NXPE4: variants seen among roughly 807,000 people sequenced by gnomAD.
NXPE4 encodes the protein NXPE family member 4.
In NXPE4, 42 loss-of-function variants were observed where a neutral mutation model predicts 33.3. The ratio of observed to expected loss-of-function variants is 1.26; its 90% CI spans 0.98 to 1.63. The LOEUF (loss-of-function observed/expected upper bound fraction) is 1.63, where lower values mean the gene tolerates loss of function less well. Ranked by LOEUF, NXPE4 falls within the 40% of genes most tolerant of loss-of-function variation. The pLI, the probability that NXPE4 is intolerant of heterozygous loss-of-function variation, is 0.00. For missense variants in NXPE4, 709 were observed against 647.6 expected, an observed-to-expected ratio of 1.09 and a Z score of -1.03; for synonymous variants, 253 against 234.9, an observed-to-expected ratio of 1.08 and a Z score of -0.71.
At chr11:114,649,566 C>T in the NXPE4 span, among the ~76,000 whole-genome samples, 91 of 152,138 alleles carry the variant, frequency 6.0e-4, no homozygotes, top group Non-Finnish European at 1.1e-3. Context: ...TCAGTGGTTG[C>T]CTGGGCAACT....
intron 5 of NXPE4, 99 bp downstream of exon 5, chr11:114,580,033 T>G (rs917660763): frequency 6.7e-5 from 71 of 1,055,122 alleles, no homozygotes; most frequent in Middle Eastern, 6.3e-4. Flanking sequence ...GATTGAAGAA[T>G]ATGAAAAAAA....
the NXPE4 span, among the ~76,000 whole-genome samples, chr11:114,631,324 C>G: frequency 6.6e-6 from 1 of 151,808 alleles, no homozygotes; most frequent in Non-Finnish European, 1.5e-5. Flanking sequence ...ACATATACAG[C>G]ATGGAATACT....
intron 2 of NXPE4, chr11:114,584,227 C>T (rs1453673080): frequency 2.4e-6 from 1 of 412,644 alleles, no homozygotes; most frequent in East Asian, 7.0e-5. Context: ...TATGGAGATC[C>T]CTAATGAGCC....
the NXPE4 span, among the ~76,000 whole-genome samples, chr11:114,631,126 G>A: frequency 6.6e-6 from 1 of 151,926 alleles, no homozygotes; most frequent in African/African-American, 2.4e-5. Flanking sequence ...CGATTCTCAG[G>A]GATCTAGAAC....
At chr11:114,585,096 A>C (rs1293600942) in intron 2 of NXPE4, among the ~76,000 whole-genome samples, 1 of 151,982 alleles carries the variant, frequency 6.6e-6, no homozygotes, top group African/African-American at 2.4e-5. Context: ...CCTAAGTAAC[A>C]TCAGCCATTT....
the NXPE4 span, among the ~76,000 whole-genome samples, chr11:114,660,076 T>C: frequency 6.6e-6 from 1 of 152,154 alleles, no homozygotes; most frequent in African/African-American, 2.4e-5. Flanking sequence ...AGACACAAAC[T>C]ACCAACATTC....
chr11:114,610,847 T>A, the NXPE4 span, among the ~76,000 whole-genome samples: 1 of 151,654 alleles, frequency 6.6e-6, no homozygotes, highest in African/African-American at 2.4e-5. Flanking sequence ...GTATTGCCTC[T>A]AGGGTAACCA....
chr11:114,666,332 A>T, the NXPE4 span, among the ~76,000 whole-genome samples: 1 of 152,144 alleles, frequency 6.6e-6, no homozygotes, highest in Non-Finnish European at 1.5e-5. Context: ...CCTCCTTTAA[A>T]GTAAAGTAAA....
At chr11:114,677,177 T>TA in the NXPE4 span, among the ~76,000 whole-genome samples, 2 of 152,062 alleles carry the variant, frequency 1.3e-5, no homozygotes, top group Non-Finnish European at 2.9e-5. Flanking sequence ...TTACACAGGA[T>TA]GAATAAGTTC....
intron 5 of NXPE4, among the ~76,000 whole-genome samples, chr11:114,576,806 C>T (rs1338348067): frequency 6.6e-6 from 1 of 151,538 alleles, no homozygotes; most frequent in Admixed American, 6.6e-5. Flanking sequence ...AAAAACAGAT[C>T]TACCATTTGA....
At chr11:114,573,471 AT>A (rs34921691) in intron 5 of NXPE4, among the ~76,000 whole-genome samples, 87,382 of 151,692 alleles carry the variant, frequency 0.58, 26,249 homozygotes, top group African/African-American at 0.76. Context: ...AAAGTCACCT[AT>A]TTAATAACAC....
chr11:114,660,464 A>G, the NXPE4 span, among the ~76,000 whole-genome samples: 1 of 152,034 alleles, frequency 6.6e-6, no homozygotes, highest in East Asian at 1.9e-4. Context: ...TCATTTGAAG[A>G]TCAATCAATC....
chr11:114,661,688 G>A, the NXPE4 span, among the ~76,000 whole-genome samples: 2 of 152,186 alleles, frequency 1.3e-5, no homozygotes, highest in Non-Finnish European at 2.9e-5. Flanking sequence ...CCCAAGAAAC[G>A]CAAGCAAGAG....
At chr11:114,639,002 A>G in the NXPE4 span, among the ~76,000 whole-genome samples, 28 of 152,192 alleles carry the variant, frequency 1.8e-4, no homozygotes, top group African/African-American at 6.3e-4. Context: ...CAAAGCTGTC[A>G]GACTGGGACA....
At chr11:114,614,690 G>A in the NXPE4 span, among the ~76,000 whole-genome samples, 2 of 151,934 alleles carry the variant, frequency 1.3e-5, no homozygotes, top group Non-Finnish European at 2.9e-5. Context: ...TGCCTCGTGG[G>A]TAACCACTGT....
chr11:114,632,282 A>C, the NXPE4 span, among the ~76,000 whole-genome samples: 4 of 138,732 alleles, frequency 2.9e-5, no homozygotes, highest in Admixed American at 3.2e-4. Context: ...TATATACTAT[A>C]TATGTATATT....
At chr11:114,607,307 G>A in the NXPE4 span, among the ~76,000 whole-genome samples, 2 of 151,144 alleles carry the variant, frequency 1.3e-5, no homozygotes, top group African/African-American at 2.4e-5. Flanking sequence ...GTATTGCCTC[G>A]TGGGTCACCA....
At chr11:114,586,700 C>G (rs1949307065) in intron 2 of NXPE4, among the ~76,000 whole-genome samples, 1 of 152,164 alleles carries the variant, frequency 6.6e-6, no homozygotes, top group Non-Finnish European at 1.5e-5. Flanking sequence ...CTGAAGGTTT[C>G]TGGACTAATT....
the NXPE4 span, among the ~76,000 whole-genome samples, chr11:114,626,060 G>A: frequency 6.6e-6 from 1 of 152,222 alleles, no homozygotes; most frequent in South Asian, 2.1e-4. Flanking sequence ...TAGCACAGCA[G>A]TCTGAGATCA....
Sources: gnomAD v4.1 joint callset for allele counts (sites outside exome capture counted in the v4.1 genomes callset) on GRCh38, gnomAD v4.1.1 for gene constraint, MANE v1.5 for transcripts, NCBI Gene and HGNC (gene_info 2026-07-23, HGNC 2026-07-21) for gene names.